Variants in DZIP1 observed in about 807,000 individuals in gnomAD.
DZIP1 encodes the protein cilium assembly protein DZIP1.
In DZIP1, 97 loss-of-function variants were observed where a neutral mutation model predicts 107.6. That is an observed-to-expected ratio of 0.90 (90% confidence interval 0.77 to 1.07). DZIP1 has a LOEUF of 1.07. DZIP1 is among the 50% of genes least tolerant of loss of function. DZIP1 has a pLI of 0.00. For missense variants in DZIP1, 1,035 were observed against 1,063.6 expected, an observed-to-expected ratio of 0.97 and a Z score of 0.37; for synonymous variants, 390 against 386.4, an observed-to-expected ratio of 1.01 and a Z score of -0.11.
intron 9 of DZIP1, among the ~76,000 whole-genome samples, chr13:95,621,362 A>C (rs1467856927): frequency 2.0e-5 from 3 of 152,194 alleles, no homozygotes; most frequent in Non-Finnish European, 4.4e-5. Flanking sequence ...AGTCCGGAAT[A>C]AGGGTCACTG....
At chr13:95,609,361 CA>C (rs1345958187) in intron 13 of DZIP1, 95 bp downstream of exon 13, 24 of 804,494 alleles carry the variant, frequency 3.0e-5, no homozygotes, top group Non-Finnish European at 4.3e-5. Context: ...CATTGGTTTT[CA>C]AAGAAAAGCC....
At position 95,583,818 on chromosome 13, in the gene DZIP1, G is replaced by T. The variant is rs568644430; in HGVS notation, c.2524+918C>A. On this transcript the variant is annotated intron_variant, in intron 22 of 22. Coordinates refer to ENST00000376829, the MANE Select transcript of DZIP1 (RefSeq NM_198968.4). ...TCTTCATGAAGAGAATACGTGTATAGACATTTTTAAAAATAATATAAAAGC... is the reference window on the plus strand; with the variant it reads ...TCTTCATGAAGAGAATACGTGTATATACATTTTTAAAAATAATATAAAAGC... Among the ~76,000 whole-genome samples, 3 of 152,090 alleles carry T rather than the reference G, an allele frequency of 2.0e-5. No individual in the cohort carries two copies. In the South Asian group the frequency reaches 6.2e-4, roughly 32 times the overall value.
intron 8 of DZIP1, among the ~76,000 whole-genome samples, chr13:95,622,986 A>T (rs1407999520): frequency 6.6e-6 from 1 of 151,932 alleles, no homozygotes; most frequent in Non-Finnish European, 1.5e-5. Context: ...CTCACACAAC[A>T]ATCTGCCTAC....
chr13:95,642,269 C>G (rs2139513651), intron 3 of DZIP1, 28 bp from the exon 4 acceptor site: 2 of 476,364 alleles, frequency 4.2e-6, no homozygotes, highest in Non-Finnish European at 7.2e-6. Context: ...ACCTCTTGGA[C>G]GAGCCCGAGT....
intron 16 of DZIP1, among the ~76,000 whole-genome samples, chr13:95,590,763 G>T (rs779804356): frequency 6.6e-6 from 1 of 152,232 alleles, no homozygotes; most frequent in Non-Finnish European, 1.5e-5. Flanking sequence ...GCTGAAAGGG[G>T]AGGCTGAGCT....
In DZIP1 at chr13:95,579,766, T is replaced by C. The variant is rs1176275948; in HGVS notation, c.*2468A>G. ...AAAAAATTCCATACCTTGATAATCC[T>C]TGAAATATCTTTTGCAGAAATACAA... On this transcript the variant is annotated 3_prime_UTR_variant, in exon 23 of 23. Transcript: ENST00000376829. The C allele has an allele frequency of 6.6e-6, 1 of 152,236 alleles. No individual in the cohort carries two copies. Among genetic ancestry groups the C allele is most frequent in the African/African-American group, 2.4e-5 (1 of 41,458 alleles). The allele number at this position is 152,236 out of a possible 1,614,324, so 9.4% of individuals were successfully genotyped here. A position where few individuals can be genotyped will look rare whatever the true frequency, so the allele number is the denominator to read the frequency against.
At chr13:95,590,127 C>G in intron 17 of DZIP1, 152 bp downstream of exon 17, 1 of 1,025,986 alleles carries the variant, frequency 9.7e-7, no homozygotes, top group African/African-American at 1.6e-5. Flanking sequence ...TTTAATAGTA[C>G]AAACAGTAAA....
At chr13:95,609,734 T>G (rs1412383069) in intron 12 of DZIP1, among the ~76,000 whole-genome samples, 2 of 152,188 alleles carry the variant, frequency 1.3e-5, no homozygotes, top group Non-Finnish European at 2.9e-5. Flanking sequence ...CTAGTTAATT[T>G]TGCAAATATT....
intron 12 of DZIP1, among the ~76,000 whole-genome samples, chr13:95,610,947 T>C (rs917526418): frequency 6.6e-6 from 1 of 152,192 alleles, no homozygotes; most frequent in Non-Finnish European, 1.5e-5. Flanking sequence ...TTTCCCAGCC[T>C]CCAGAAACCT....
chr13:95,620,089 G>A (rs1047394565), intron 9 of DZIP1, 142 bp from the exon 10 acceptor site: 17 of 786,528 alleles, frequency 2.2e-5, no homozygotes, highest in Middle Eastern at 3.2e-4. Context: ...TTTGGCTCTC[G>A]GTCCCCACTC....
At chr13:95,584,500 TAAATTA>T (rs2044099949) in intron 22 of DZIP1, 1 of 793,672 alleles carries the variant, frequency 1.3e-6, no homozygotes, top group Non-Finnish European at 1.6e-6. Context: ...AAAATAAAAA[TAAATTA>T]AAAATTTAAA....
chr13:95,618,582 T>G (rs937346889), intron 10 of DZIP1, among the ~76,000 whole-genome samples: 7 of 152,220 alleles, frequency 4.6e-5, no homozygotes, highest in African/African-American at 1.4e-4. Flanking sequence ...ATATTTTTAT[T>G]TTTTGTTTGC....
Position 95,579,670 on chromosome 13 carries a change from A to G in DZIP1, c.*2564T>C, listed in dbSNP as rs150086174. 6.6e-6 allele frequency: 1 copy of G among 152,220 alleles called. No homozygotes were observed. Among genetic ancestry groups the G allele is most frequent in the East Asian group, 1.9e-4 (1 of 5,202 alleles). 9.4% of individuals were successfully genotyped at this position (152,220 alleles called of 1,614,324 possible). ...GAAGTGTGAAAGACTTAAAAAAAAG[A>G]ATCACATTGTTCAGAGGTGCTCAAT... On this transcript the variant is annotated 3_prime_UTR_variant, in exon 23 of 23. Coordinates refer to ENST00000376829, the MANE Select transcript of DZIP1 (RefSeq NM_198968.4).
chr13:95,596,793 G>A (rs1441112851), intron 15 of DZIP1, among the ~76,000 whole-genome samples: 1 of 152,204 alleles, frequency 6.6e-6, no homozygotes, highest in Non-Finnish European at 1.5e-5. Context: ...TTACTTCTTA[G>A]TAAAAGCCAC....
intron 13 of DZIP1, 121 bp downstream of exon 13, chr13:95,609,336 T>A (rs2044900872): frequency 1.8e-6 from 1 of 540,558 alleles, no homozygotes; most frequent in Admixed American, 4.3e-5. Context: ...TAAATCATTA[T>A]GTGATCTCTA....
intron 7 of DZIP1, among the ~76,000 whole-genome samples, chr13:95,627,508 T>C (rs994654679): frequency 6.6e-6 from 1 of 152,170 alleles, no homozygotes; most frequent in Non-Finnish European, 1.5e-5. Context: ...CTAAGATATA[T>C]ACAAATGGAA....
intron 7 of DZIP1, among the ~76,000 whole-genome samples, chr13:95,626,310 CA>C (rs1174941816): frequency 2.0e-5 from 3 of 152,048 alleles, no homozygotes; most frequent in African/African-American, 7.2e-5. Context: ...TGGTTCTTTA[CA>C]AAGATCAACA....
intron 16 of DZIP1, among the ~76,000 whole-genome samples, chr13:95,593,343 G>A (rs534513263): frequency 6.6e-6 from 1 of 152,216 alleles, no homozygotes; most frequent in Non-Finnish European, 1.5e-5. Flanking sequence ...CACAAGCTTT[G>A]CATATATGTG....
chr13:95,621,269 G>A (rs1875810341), intron 9 of DZIP1, among the ~76,000 whole-genome samples: 1 of 152,242 alleles, frequency 6.6e-6, no homozygotes, highest in Non-Finnish European at 1.5e-5. Flanking sequence ...TGGGCTGCTG[G>A]GCCGCTGGAG....
Sources: allele counts gnomAD v4.1 joint callset (sites outside exome capture counted in the v4.1 genomes callset), GRCh38; gene constraint gnomAD v4.1.1; transcripts MANE v1.5; gene names NCBI Gene and HGNC (gene_info 2026-07-23, HGNC 2026-07-21).